GNG14: variants seen among roughly 807,000 people sequenced by gnomAD.
GNG14 encodes the protein G protein subunit gamma 14.
For synonymous variants in GNG14, 44 were observed against 22.5 expected, an observed-to-expected ratio of 1.96 and a Z score of -2.71; for missense variants, 103 against 53.6, an observed-to-expected ratio of 1.92 and a Z score of -2.87.
At position 12,688,323 on chromosome 19, in the gene GNG14, C is replaced by G; in HGVS notation, c.275C>G (p.Pro92Arg). The G allele has an allele frequency of 1.4e-6, 1 of 702,574 alleles. No individual in the cohort carries two copies. Among genetic ancestry groups the G allele is most frequent in the South Asian group, 1.5e-5 (1 of 67,602 alleles). The allele number at this position is 702,574 out of a possible 1,614,324, so 43.5% of individuals were successfully genotyped here. A position where few individuals can be genotyped will look rare whatever the true frequency, so the allele number is the denominator to read the frequency against. Residue 92 changes from proline to arginine, a missense_variant, in exon 1 of 1, where the codon CCG becomes CGG. Transcript: ENST00000640151. ...AATGACCCCTTCCTTGTGGGCATCCCGGCCGCCACCAACTCCTTCAAGGAG... is the reference window on the plus strand; with the variant it reads ...AATGACCCCTTCCTTGTGGGCATCCGGGCCGCCACCAACTCCTTCAAGGAG... ...AKNDPFLVGI[P>R]AATNSFKEKK...
Position 12,688,244 on chromosome 19 carries a change from A to G in GNG14, c.196A>G (p.Arg66Gly). ...GGTCTGGCTGAACCAGTTGGTCTGC[A>G]GGTGTCCAAAGATGGCCGCCGATCT... ...GLVWLNQLVC[R>G]CPKMAADLLK... The change falls in exon 1 of 1, where the codon AGG becomes GGG. Residue 66 changes from arginine (R) to glycine (G), a missense_variant. Physicochemically the swap from Arg to Gly is moderately radical, Grantham distance 125. Coordinates refer to ENST00000640151, the MANE Select transcript of GNG14 (RefSeq NM_001316692.2). 1.4e-6 allele frequency: 1 copy of G among 702,536 alleles called. No individual in the cohort carries two copies. The highest frequency in any genetic ancestry group is 2.7e-5 in the East Asian group (1 of 37,266). The allele number at this position is 702,536 out of a possible 1,614,324, so 43.5% of individuals were successfully genotyped here. A position where few individuals can be genotyped will look rare whatever the true frequency, so the allele number is the denominator to read the frequency against.
Position 12,688,198 on chromosome 19 carries a change from G to C in GNG14, c.150G>C (p.Gly50=), listed in dbSNP as rs57695059. 1.4e-6 allele frequency: 1 copy of C among 702,564 alleles called. No homozygotes were observed. Among genetic ancestry groups the C allele is most frequent in the Non-Finnish European group, 2.6e-6 (1 of 385,008 alleles). The allele number at this position is 702,564 out of a possible 1,614,324, so 43.5% of individuals were successfully genotyped here. The part of the protein sequence containing the change: ...GGKRWEHMGQ[G]TGACLGLVWL... ...AGAGGTGGGAACACATGGGCCAGGGGACAGGTGCATGCCTGGGTCTGGTCT... is the reference window on the plus strand; with the variant it reads ...AGAGGTGGGAACACATGGGCCAGGGCACAGGTGCATGCCTGGGTCTGGTCT... The change falls in exon 1 of 1, where the codon GGG becomes GGC. Residue 50 remains glycine (G), a synonymous_variant. Transcript: ENST00000640151.
Position 12,688,151 on chromosome 19 carries a change from G to A in GNG14, c.103G>A (p.Gly35Arg), listed in dbSNP as rs192586851. ...CATCGACCAAGTGAAGGTGAGGGTC[G>A]GGGCCAGTGCAGGAGGCGGGAAGAG... The part of the protein sequence containing the change: ...AGIDQVKVRV[G>R]ASAGGGKRWE... The change falls in exon 1 of 1, where the codon GGG (glycine) becomes AGG (arginine). Residue 35 changes from glycine to arginine, a missense_variant. By Grantham distance (125) the Gly-to-Arg change is moderately radical. Transcript: ENST00000640151. The A allele has an allele frequency of 2.3e-4, 162 of 702,658 alleles. 1 individual carries two copies. In the East Asian group the frequency reaches 2.3e-3, roughly 10 times the overall value. The allele number at this position is 702,658 out of a possible 1,614,324, so 43.5% of individuals were successfully genotyped here.
chr19:12,688,258 G>A lies in GNG14; in HGVS notation c.210G>A (p.Met70Ile). 1 of 702,546 alleles carries A rather than the reference G, an allele frequency of 1.4e-6. No individual in the cohort carries two copies. Among genetic ancestry groups the A allele is most frequent in the Non-Finnish European group, 2.6e-6 (1 of 384,990 alleles). 43.5% of individuals were successfully genotyped at this position (702,546 alleles called of 1,614,324 possible). A position where few individuals can be genotyped will look rare whatever the true frequency, so the allele number is the denominator to read the frequency against. ...LNQLVCRCPKMAADLLKFCTE... is the reference protein window; with the variant it reads ...LNQLVCRCPKIAADLLKFCTE... ...AGTTGGTCTGCAGGTGTCCAAAGATGGCCGCCGATCTGCTGAAGTTCTGCA... is the reference window on the plus strand; with the variant it reads ...AGTTGGTCTGCAGGTGTCCAAAGATAGCCGCCGATCTGCTGAAGTTCTGCA... Residue 70 changes from methionine (M) to isoleucine (I), a missense_variant, in exon 1 of 1, where the codon ATG becomes ATA. By Grantham distance (10) the Met-to-Ile change is conservative. Coordinates refer to ENST00000640151, the MANE Select transcript of GNG14 (RefSeq NM_001316692.2).
Position 12,688,324 on chromosome 19 carries a change from G to A in GNG14, c.276G>A (p.Pro92=), listed in dbSNP as rs1279682021. The change falls in exon 1 of 1, where the codon CCG becomes CCA. Residue 92 remains proline, a synonymous_variant. Transcript: ENST00000640151. The part of the protein sequence containing the change: ...AKNDPFLVGI[P]AATNSFKEKK... Reference sequence around the variant, plus strand: ...ATGACCCCTTCCTTGTGGGCATCCCGGCCGCCACCAACTCCTTCAAGGAGA... The same window carrying A: ...ATGACCCCTTCCTTGTGGGCATCCCAGCCGCCACCAACTCCTTCAAGGAGA... The A allele has an allele frequency of 1.9e-5, 13 of 702,422 alleles. No homozygotes were observed. Among genetic ancestry groups the A allele is most frequent in the Admixed American group, 6.0e-5 (3 of 49,982 alleles). 43.5% of individuals were successfully genotyped at this position (702,422 alleles called of 1,614,324 possible).
rs1411983864 is a variant in GNG14, at chr19:12,688,270, G to C, written c.222G>C (p.Leu74=). Residue 74 remains leucine (L), a synonymous_variant, in exon 1 of 1, where the codon CTG becomes CTC. Coordinates refer to ENST00000640151, the MANE Select transcript of GNG14 (RefSeq NM_001316692.2). ...VCRCPKMAAD[L]LKFCTEQAKN... Reference sequence around the variant, plus strand: ...GGTGTCCAAAGATGGCCGCCGATCTGCTGAAGTTCTGCACGGAGCAGGCCA... The same window carrying C: ...GGTGTCCAAAGATGGCCGCCGATCTCCTGAAGTTCTGCACGGAGCAGGCCA... The C allele has an allele frequency of 4.3e-6, 3 of 702,450 alleles. No individual in the cohort carries two copies. The highest frequency in any genetic ancestry group is 3.5e-5 in the African/African-American group (2 of 57,252). The allele number at this position is 702,450 out of a possible 1,614,324, so 43.5% of individuals were successfully genotyped here.
rs2024951127 is a variant in GNG14 at position 12,688,175 on chromosome 19, A to G, written c.127A>G (p.Arg43Gly). The G allele has an allele frequency of 4.3e-6, 3 of 702,680 alleles. No homozygotes were observed. Among genetic ancestry groups the G allele is most frequent in the Non-Finnish European group, 7.8e-6 (3 of 385,010 alleles). The allele number at this position is 702,680 out of a possible 1,614,324, so 43.5% of individuals were successfully genotyped here. A position where few individuals can be genotyped will look rare whatever the true frequency, so the allele number is the denominator to read the frequency against. ...CGGGGCCAGTGCAGGAGGCGGGAAG[A>G]GGTGGGAACACATGGGCCAGGGGAC... ...RVGASAGGGK[R>G]WEHMGQGTGA... The change falls in exon 1 of 1, where the codon AGG (arginine) becomes GGG (glycine). Residue 43 changes from arginine to glycine, a missense_variant. Coordinates refer to ENST00000640151, the MANE Select transcript of GNG14 (RefSeq NM_001316692.2).
rs1326497741 is a variant in GNG14, at chr19:12,688,129, C to CGT, written c.82_83insTG (p.Asp28ValfsTer4). ...AGCAGCTCCAGATGGAGGCAGGCATCGACCAAGTGAAGGTGAGGGTCGGGG... is the reference window on the plus strand; with the variant it reads ...AGCAGCTCCAGATGGAGGCAGGCATCGTGACCAAGTGAAGGTGAGGGTCGGGG... On this transcript the variant is annotated frameshift_variant, in exon 1 of 1. Transcript: ENST00000640151. LOFTEE classifies it low-confidence loss of function (END_TRUNC). 7.1e-6 allele frequency: 5 copies of CGT among 702,230 alleles called. No homozygotes were observed. The highest frequency in any genetic ancestry group is 2.0e-5 in the Admixed American group (1 of 49,984). 43.5% of individuals were successfully genotyped at this position (702,230 alleles called of 1,614,324 possible). A position where few individuals can be genotyped will look rare whatever the true frequency, so the allele number is the denominator to read the frequency against.
Position 12,688,151 on chromosome 19 carries a change from G to C in GNG14, c.103G>C (p.Gly35Arg). The C allele has an allele frequency of 1.4e-6, 1 of 702,658 alleles. No homozygotes were observed. The highest frequency in any genetic ancestry group is 2.6e-6 in the Non-Finnish European group (1 of 384,998). The allele number at this position is 702,658 out of a possible 1,614,324, so 43.5% of individuals were successfully genotyped here. Reference protein sequence around the residue: ...AGIDQVKVRVGASAGGGKRWE... With the variant: ...AGIDQVKVRVRASAGGGKRWE... ...CATCGACCAAGTGAAGGTGAGGGTC[G>C]GGGCCAGTGCAGGAGGCGGGAAGAG... Residue 35 changes from glycine (G) to arginine (R), a missense_variant, in exon 1 of 1, where the codon GGG (glycine) becomes CGG (arginine). By Grantham distance (125) the Gly-to-Arg change is moderately radical. Coordinates refer to ENST00000640151, the MANE Select transcript of GNG14 (RefSeq NM_001316692.2).
chr19:12,688,144 G>A lies in GNG14; in HGVS notation c.96G>A (p.Val32=), dbSNP rs1335382328. The A allele has an allele frequency of 4.3e-6, 3 of 702,604 alleles. No individual in the cohort carries two copies. The South Asian group carries it at 4.4e-5, about 10-fold the overall frequency. The allele number at this position is 702,604 out of a possible 1,614,324, so 43.5% of individuals were successfully genotyped here. A position where few individuals can be genotyped will look rare whatever the true frequency, so the allele number is the denominator to read the frequency against. The stretch of plus-strand genomic sequence containing the variant: ...AGGCAGGCATCGACCAAGTGAAGGT[G>A]AGGGTCGGGGCCAGTGCAGGAGGCG... The part of the protein sequence containing the change: ...QMEAGIDQVK[V]RVGASAGGGK... The change falls in exon 1 of 1, where the codon GTG becomes GTA. Residue 32 remains valine (V), a synonymous_variant. Coordinates refer to ENST00000640151, the MANE Select transcript of GNG14 (RefSeq NM_001316692.2).
Position 12,688,095 on chromosome 19 carries a change from G to A in GNG14, c.47G>A (p.Trp16Ter), listed in dbSNP as rs2024949491. 1.4e-6 allele frequency: 1 copy of A among 700,486 alleles called. No homozygotes were observed. The highest frequency in any genetic ancestry group is 2.6e-6 in the Non-Finnish European group (1 of 383,392). 43.4% of individuals were successfully genotyped at this position (700,486 alleles called of 1,614,324 possible). The change falls in exon 1 of 1, where the codon TGG becomes TAG. Residue 16 changes from tryptophan to a stop codon, truncating the protein, a stop_gained. Transcript: ENST00000640151. LOFTEE classifies it low-confidence loss of function (END_TRUNC). ...AACAGTGACATTGGGCAGGCCCTCT[G>A]GGCAGTGGAGCAGCTCCAGATGGAG... ...AINSDIGQALWAVEQLQMEAG... is the reference protein window; with the variant it reads ...AINSDIGQAL
rs1317606328 is a variant in GNG14, at chr19:12,688,312, TGTG to T, written c.266_268del (p.Val89del). On this transcript the variant is annotated inframe_deletion, in exon 1 of 1. Transcript: ENST00000640151. Reference sequence around the variant, plus strand: ...AGCAGGCCAAGAATGACCCCTTCCTTGTGGGCATCCCGGCCGCCACCAACTCCT... The same window carrying T: ...AGCAGGCCAAGAATGACCCCTTCCTTGGCATCCCGGCCGCCACCAACTCCT... 1.4e-6 allele frequency: 1 copy of T among 702,378 alleles called. No individual in the cohort carries two copies. The highest frequency in any genetic ancestry group is 1.7e-5 in the African/African-American group (1 of 57,222). The allele number at this position is 702,378 out of a possible 1,614,324, so 43.5% of individuals were successfully genotyped here.
rs1421323674 is a variant in GNG14, at chr19:12,688,056, G to A, written c.8G>A (p.Ser3Asn). The A allele has an allele frequency of 1.2e-5, 8 of 681,488 alleles. No individual in the cohort carries two copies. The highest frequency in any genetic ancestry group is 2.2e-5 in the Non-Finnish European group (8 of 371,882). 42.2% of individuals were successfully genotyped at this position (681,488 alleles called of 1,614,324 possible). ...CCTGCCCACTTTACCCAGATGTCCAGCAAGGTGGCCATCAACAGTGACATT... is the reference window on the plus strand; with the variant it reads ...CCTGCCCACTTTACCCAGATGTCCAACAAGGTGGCCATCAACAGTGACATT... MS[S>N]KVAINSDIGQ... is the part of the protein sequence containing the mutation. Residue 3 changes from serine to asparagine, a missense_variant, in exon 1 of 1, where the codon AGC becomes AAC. Ser to Asn is a conservative substitution (Grantham distance 46, BLOSUM62 1). Coordinates refer to ENST00000640151, the MANE Select transcript of GNG14 (RefSeq NM_001316692.2).
chr19:12,688,038 A>C lies in GNG14; in HGVS notation c.-11A>C, dbSNP rs547103953. ...TGGGCCTGCTGCCCACGGCCTGCCC[A>C]CTTTACCCAGATGTCCAGCAAGGTG... On this transcript the variant is annotated 5_prime_UTR_variant, in exon 1 of 1. Coordinates refer to ENST00000640151, the MANE Select transcript of GNG14 (RefSeq NM_001316692.2). 65 of 668,378 alleles carry C rather than the reference A, an allele frequency of 9.7e-5. No homozygotes were observed. Among genetic ancestry groups the C allele is most frequent in the Admixed American group, 9.5e-4 (46 of 48,446 alleles). The allele number at this position is 668,378 out of a possible 1,614,324, so 41.4% of individuals were successfully genotyped here. A position where few individuals can be genotyped will look rare whatever the true frequency, so the allele number is the denominator to read the frequency against.
At position 12,688,099 on chromosome 19, in the gene GNG14, A is replaced by G. The variant is rs1418906757; in HGVS notation, c.51A>G (p.Ala17=). The change falls in exon 1 of 1, where the codon GCA becomes GCG. Residue 17 remains alanine, a synonymous_variant. Coordinates refer to ENST00000640151, the MANE Select transcript of GNG14 (RefSeq NM_001316692.2). ...GTGACATTGGGCAGGCCCTCTGGGC[A>G]GTGGAGCAGCTCCAGATGGAGGCAG... is the stretch of plus-strand genomic sequence containing the variant. ...INSDIGQALW[A]VEQLQMEAGI... The G allele has an allele frequency of 1.4e-6, 1 of 700,706 alleles. No homozygotes were observed. Among genetic ancestry groups the G allele is most frequent in the Non-Finnish European group, 2.6e-6 (1 of 383,610 alleles). 43.4% of individuals were successfully genotyped at this position (700,706 alleles called of 1,614,324 possible).
chr19:12,688,157 A>G lies in GNG14; in HGVS notation c.109A>G (p.Ser37Gly). 1.4e-6 allele frequency: 1 copy of G among 702,710 alleles called. No individual in the cohort carries two copies. The highest frequency in any genetic ancestry group is 2.6e-6 in the Non-Finnish European group (1 of 385,000). 43.5% of individuals were successfully genotyped at this position (702,710 alleles called of 1,614,324 possible). Residue 37 changes from serine (S) to glycine (G), a missense_variant, in exon 1 of 1, where the codon AGT (serine) becomes GGT (glycine). Ser to Gly is a moderately conservative substitution (Grantham distance 56). Transcript: ENST00000640151. ...IDQVKVRVGA[S>G]AGGGKRWEHM... ...CCAAGTGAAGGTGAGGGTCGGGGCC[A>G]GTGCAGGAGGCGGGAAGAGGTGGGA... is the stretch of plus-strand genomic sequence containing the variant.
In GNG14 at chr19:12,688,352, A is replaced by C. The variant is rs1208247064; in HGVS notation, c.304A>C (p.Lys102Gln). 7 of 702,572 alleles carry C rather than the reference A, an allele frequency of 1.0e-5. No individual in the cohort carries two copies. Among genetic ancestry groups the C allele is most frequent in the East Asian group, 5.4e-5 (2 of 37,278 alleles). 43.5% of individuals were successfully genotyped at this position (702,572 alleles called of 1,614,324 possible). The change falls in exon 1 of 1, where the codon AAG (lysine) becomes CAG (glutamine). Residue 102 changes from lysine (K) to glutamine (Q), a missense_variant. Physicochemically the swap from Lys to Gln is moderately conservative, Grantham distance 53. Transcript: ENST00000640151. ...CGCCACCAACTCCTTCAAGGAGAAGAAGCCCTATGCCATCCTATGAACCCA... is the reference window on the plus strand; with the variant it reads ...CGCCACCAACTCCTTCAAGGAGAAGCAGCCCTATGCCATCCTATGAACCCA... Reference protein sequence around the residue: ...PAATNSFKEKKPYAIL With the variant: ...PAATNSFKEKQPYAIL
chr19:12,688,390 C>T lies in GNG14; in HGVS notation c.*18C>T. The T allele has an allele frequency of 1.4e-6, 1 of 700,966 alleles. No individual in the cohort carries two copies. The highest frequency in any genetic ancestry group is 2.7e-5 in the East Asian group (1 of 37,246). 43.4% of individuals were successfully genotyped at this position (700,966 alleles called of 1,614,324 possible). A position where few individuals can be genotyped will look rare whatever the true frequency, so the allele number is the denominator to read the frequency against. ...TCCTATGAACCCAGGGCAATGCCAC[C>T]CTGTGGCCTGGGCAAACCAGGGGGC... On this transcript the variant is annotated 3_prime_UTR_variant, in exon 1 of 1. Coordinates refer to ENST00000640151, the MANE Select transcript of GNG14 (RefSeq NM_001316692.2).
Position 12,688,261 on chromosome 19 carries a change from C to T in GNG14, c.213C>T (p.Ala71=), listed in dbSNP as rs184571217. ...TGGTCTGCAGGTGTCCAAAGATGGCCGCCGATCTGCTGAAGTTCTGCACGG... is the reference window on the plus strand; with the variant it reads ...TGGTCTGCAGGTGTCCAAAGATGGCTGCCGATCTGCTGAAGTTCTGCACGG... ...NQLVCRCPKM[A]ADLLKFCTEQ... is the part of the protein sequence containing the mutation. The change falls in exon 1 of 1, where the codon GCC becomes GCT. Residue 71 remains alanine, a synonymous_variant. Transcript: ENST00000640151. The T allele has an allele frequency of 9.6e-4, 672 of 702,486 alleles. 1 individual carries two copies. The highest frequency in any genetic ancestry group is 1.5e-3 in the Non-Finnish European group (595 of 384,994). The allele number at this position is 702,486 out of a possible 1,614,324, so 43.5% of individuals were successfully genotyped here. A position where few individuals can be genotyped will look rare whatever the true frequency, so the allele number is the denominator to read the frequency against.
Sources: gnomAD v4.1 joint callset for allele counts on GRCh38, gnomAD v4.1.1 for gene constraint, MANE v1.5 for transcripts, NCBI Gene and HGNC (gene_info 2026-07-23, HGNC 2026-07-21) for gene names.